AKAP12: variants seen among roughly 807,000 people sequenced by gnomAD.
The protein encoded by AKAP12 is A-kinase anchor protein 12.
A neutral mutation model predicts 79.9 loss-of-function variants in AKAP12; 32 were observed. The observed-to-expected ratio is 0.40, with a 90% CI of 0.30 to 0.54. The LOEUF (loss-of-function observed/expected upper bound fraction) is 0.54. Ranked by LOEUF, AKAP12 falls within the 20% of genes least tolerant of loss-of-function variation. AKAP12 has a pLI of 0.48. For synonymous variants in AKAP12, 808 were observed against 857.0 expected (o/e 0.94, Z 1.00); for missense variants, 2,074 against 2,177.0 (o/e 0.95, Z 0.94).
At chr6:151,338,911 G>A (rs779185457) in intron 3 of AKAP12, among the ~76,000 whole-genome samples, 13 of 152,136 alleles carry the variant, frequency 8.5e-5, no homozygotes, top group Non-Finnish European at 1.8e-4. Context: ...TCAACAATAA[G>A]CATGTAAATA....
rs763095239 is a variant in AKAP12 at position 151,325,923 on chromosome 6, C to T, written c.319+20020C>T. 14 of 1,614,088 alleles carry T rather than the reference C, an allele frequency of 8.7e-6. No homozygotes were observed. The East Asian group carries it at 2.9e-4, about 33-fold the overall frequency. ...CCAGGTCGCTTTTGTCCTCCCTGGA[C>T]GGCAGGCACGGGGCACGAAAAGGGG... On this transcript the variant is annotated intron_variant, in intron 3 of 4. Coordinates refer to ENST00000402676, the MANE Select transcript of AKAP12 (RefSeq NM_005100.4).
At chr6:151,257,935 A>C (rs1330382782) in intron 2 of AKAP12, among the ~76,000 whole-genome samples, 1 of 152,208 alleles carries the variant, frequency 6.6e-6, no homozygotes, top group Non-Finnish European at 1.5e-5. Context: ...TCATTGTTCA[A>C]ATAATTCTGA....
intron 2 of AKAP12, chr6:151,280,646 CTTTTTTTTTTTT>C: frequency 8.4e-6 from 1 of 119,528 alleles, no homozygotes; most frequent in South Asian, 3.0e-4. Flanking sequence ...TTTTCATTTT[CTTTTTTTTTTTT>C]TTTTTGAGAA....
chr6:151,266,748 A>G (rs1776040785), intron 2 of AKAP12, among the ~76,000 whole-genome samples: 1 of 152,188 alleles, frequency 6.6e-6, no homozygotes, highest in Non-Finnish European at 1.5e-5. Context: ...CATGTATGGT[A>G]CATATACCTG....
At chr6:151,267,073 A>G (rs1047805898) in intron 2 of AKAP12, among the ~76,000 whole-genome samples, 2 of 148,882 alleles carry the variant, frequency 1.3e-5, no homozygotes, top group Non-Finnish European at 3.0e-5. Flanking sequence ...TGTTGGAATG[A>G]TAGGGTTTTA....
At chr6:151,266,725 C>A (rs1304007178) in intron 2 of AKAP12, among the ~76,000 whole-genome samples, 3 of 152,070 alleles carry the variant, frequency 2.0e-5, no homozygotes, top group African/African-American at 7.2e-5. Flanking sequence ...GTTGAAAGAT[C>A]AGTTCAGTGA....
intron 2 of AKAP12, among the ~76,000 whole-genome samples, chr6:151,266,933 C>T (rs563781681): frequency 1.3e-4 from 19 of 141,644 alleles, no homozygotes; most frequent in African/African-American, 5.0e-4. Flanking sequence ...AGGAGAATGG[C>T]GTGAACCCGG....
chr6:151,258,781 G>T (rs940274451), intron 2 of AKAP12, among the ~76,000 whole-genome samples: 2 of 151,446 alleles, frequency 1.3e-5, no homozygotes, highest in Non-Finnish European at 2.9e-5. Context: ...GGTGTGTGCT[G>T]CTACACCAGC....
rs990317262 is a variant in AKAP12, at chr6:151,356,846, G to T, written c.*1132G>T. 6.6e-6 allele frequency: 1 copy of T among 152,100 alleles called. No individual in the cohort carries two copies. The highest frequency in any genetic ancestry group is 2.4e-5 in the African/African-American group (1 of 41,364). 9.4% of individuals were successfully genotyped at this position (152,100 alleles called of 1,614,324 possible). ...ACCACATTAGAATTCTAAAGATAAT[G>T]ATTGATAAGCTAGAACTTTCTGATG... On this transcript the variant is annotated 3_prime_UTR_variant, in exon 5 of 5. Transcript: ENST00000402676.
chr6:151,353,840 T>C, intron 4 of AKAP12, 88 bp downstream of exon 4: 1 of 857,886 alleles, frequency 1.2e-6, no homozygotes, highest in Non-Finnish European at 1.8e-6. Flanking sequence ...AGCAAATAAT[T>C]AATGCCTTCG....
At chr6:151,245,195 C>G (rs1377384932) in intron 2 of AKAP12, among the ~76,000 whole-genome samples, 3 of 152,048 alleles carry the variant, frequency 2.0e-5, no homozygotes, top group Non-Finnish European at 4.4e-5. Flanking sequence ...AAAACTCAAA[C>G]TAAATGGCAT....
At chr6:151,292,348 T>C (rs1776639564) in intron 2 of AKAP12, among the ~76,000 whole-genome samples, 1 of 152,190 alleles carries the variant, frequency 6.6e-6, no homozygotes, top group South Asian at 2.1e-4. Context: ...TAACTGGGTT[T>C]TTAGTTAAAA....
At chr6:151,292,221 C>A (rs1234459883) in intron 2 of AKAP12, among the ~76,000 whole-genome samples, 1 of 152,156 alleles carries the variant, frequency 6.6e-6, no homozygotes, top group African/African-American at 2.4e-5. Context: ...GCCATCTTTG[C>A]AAATCAAGTG....
intron 3 of AKAP12, among the ~76,000 whole-genome samples, chr6:151,330,266 C>G (rs1034757133): frequency 6.6e-6 from 1 of 152,140 alleles, no homozygotes; most frequent in Non-Finnish European, 1.5e-5. Context: ...CCAGCCTGAG[C>G]AACAGAGCAA....
At position 151,357,450 on chromosome 6, in the gene AKAP12, CT is replaced by C. The variant is rs1766258519; in HGVS notation, c.*1737del. 1 of 152,176 alleles carries C rather than the reference CT, an allele frequency of 6.6e-6. No homozygotes were observed. The highest frequency in any genetic ancestry group is 2.4e-5 in the African/African-American group (1 of 41,424). 9.4% of individuals were successfully genotyped at this position (152,176 alleles called of 1,614,324 possible). ...TCCAGTTTGAAAATTTAAATTTTGA[CT>C]GCTGATTAGCTGGAAAGCCTAGTTT... On this transcript the variant is annotated 3_prime_UTR_variant, in exon 5 of 5. Transcript: ENST00000402676.
intron 2 of AKAP12, among the ~76,000 whole-genome samples, chr6:151,285,384 CTGTGTGTGTGTG>C (rs10680283): frequency 1.7e-3 from 227 of 136,550 alleles, no homozygotes; most frequent in Non-Finnish European, 2.7e-3. Context: ...CTGCATTTCA[CTGTGTGTGTGTG>C]TGTGTGTGTG....
chr6:151,337,137 T>C (rs1468310765), intron 3 of AKAP12, among the ~76,000 whole-genome samples: 11 of 152,170 alleles, frequency 7.2e-5, no homozygotes, highest in African/African-American at 2.7e-4. Context: ...CATCACTCTA[T>C]ATTTTGTTGT....
intron 3 of AKAP12, among the ~76,000 whole-genome samples, chr6:151,328,110 G>A (rs897935269): frequency 4.0e-5 from 6 of 151,834 alleles, no homozygotes; most frequent in African/African-American, 7.3e-5. Flanking sequence ...GGCGGATCAC[G>A]AGGTCAGGAG....
chr6:151,341,528 G>A, intron 3 of AKAP12, among the ~76,000 whole-genome samples: 1 of 152,194 alleles, frequency 6.6e-6, no homozygotes. Flanking sequence ...CCGGGCGCGG[G>A]GAGGCTGCGT....
Sources: allele counts gnomAD v4.1 joint callset (sites outside exome capture counted in the v4.1 genomes callset), GRCh38; gene constraint gnomAD v4.1.1; transcripts MANE v1.5; gene names NCBI Gene and HGNC (gene_info 2026-07-23, HGNC 2026-07-21).